TAOK1: variants seen among roughly 807,000 people sequenced by gnomAD.
TAOK1 encodes the protein TAO kinase 1, also known as serine/threonine-protein kinase TAO1.
In TAOK1, 21 loss-of-function variants were observed where a neutral mutation model predicts 138.3. The observed-to-expected ratio is 0.15, with a 90% CI of 0.11 to 0.22. The LOEUF (loss-of-function observed/expected upper bound fraction) is 0.22, where lower values mean the gene tolerates loss of function less well. Ranked by LOEUF, TAOK1 falls within the 10% of genes least tolerant of loss-of-function variation. The pLI, the probability that TAOK1 is intolerant of heterozygous loss-of-function variation, is 1.00. For synonymous variants in TAOK1, 361 were observed against 398.4 expected, an observed-to-expected ratio of 0.91 and a Z score of 1.12; for missense variants, 651 against 1,227.7, an observed-to-expected ratio of 0.53 and a Z score of 7.02.
intron 3 of TAOK1, among the ~76,000 whole-genome samples, chr17:29,473,876 C>T (rs1016795219): frequency 3.9e-5 from 6 of 152,038 alleles, no homozygotes; most frequent in Non-Finnish European, 8.8e-5. Flanking sequence ...GGACTACAGG[C>T]ACGCATCACC....
chr17:29,515,587 G>C lies in TAOK1; in HGVS notation c.1705-1866G>C, dbSNP rs145664936. Among the ~76,000 whole-genome samples, 3 of 152,252 alleles carry C rather than the reference G, an allele frequency of 2.0e-5. No individual in the cohort carries two copies. The East Asian group carries it at 5.8e-4, about 29-fold the overall frequency. Reference sequence around the variant, plus strand: ...GCAGTGGCTCACACGTGTAATCCCAGTACTTTGGGAGGCTGAGGCGGGTGG... The same window carrying C: ...GCAGTGGCTCACACGTGTAATCCCACTACTTTGGGAGGCTGAGGCGGGTGG... On this transcript the variant is annotated intron_variant, in intron 15 of 19. Transcript: ENST00000261716.
In TAOK1 at chr17:29,542,548, C is replaced by T. The variant is rs2032334514; in HGVS notation, c.2545-13C>T. On this transcript the variant is annotated splice_polypyrimidine_tract_variant and intron_variant, in intron 19 of 19. Coordinates refer to ENST00000261716, the MANE Select transcript of TAOK1 (RefSeq NM_020791.4). Reference sequence around the variant, plus strand: ...AATAAATTGGCTTTCATTTTTCTTCCAATCTCCAACAGATTGAAGAAGAGA... The same window carrying T: ...AATAAATTGGCTTTCATTTTTCTTCTAATCTCCAACAGATTGAAGAAGAGA... 1.9e-6 allele frequency: 3 copies of T among 1,542,068 alleles called. No individual in the cohort carries two copies. The African/African-American group carries it at 4.2e-5, about 21-fold the overall frequency.
rs1254548062 is a variant in TAOK1, at chr17:29,510,769, G to A, written c.1576-95G>A. 4 of 911,834 alleles carry A rather than the reference G, an allele frequency of 4.4e-6. No homozygotes were observed. The African/African-American group carries it at 5.2e-5, about 12-fold the overall frequency. 56.5% of individuals were successfully genotyped at this position (911,834 alleles called of 1,614,324 possible). On this transcript the variant is annotated intron_variant, in intron 14 of 19. Coordinates refer to ENST00000261716, the MANE Select transcript of TAOK1 (RefSeq NM_020791.4). ...TTGGTAATGTTTCTAATGATTTCTT[G>A]TTCTTAGAAAATAAAAGGTATTCTT...
At chr17:29,493,727 T>G (rs1270941331) in intron 10 of TAOK1, among the ~76,000 whole-genome samples, 1 of 152,084 alleles carries the variant, frequency 6.6e-6, no homozygotes, top group Non-Finnish European at 1.5e-5. Context: ...TTGGACTAAT[T>G]ACATTTCTGT....
intron 2 of TAOK1, among the ~76,000 whole-genome samples, chr17:29,466,556 T>C (rs1041332328): frequency 6.6e-6 from 1 of 152,254 alleles, no homozygotes; most frequent in Non-Finnish European, 1.5e-5. Context: ...TACCTAACTT[T>C]CAATTTTGTA....
At chr17:29,397,841 A>G (rs963964347) in intron 1 of TAOK1, among the ~76,000 whole-genome samples, 1 of 149,448 alleles carries the variant, frequency 6.7e-6, no homozygotes, top group Admixed American at 7.4e-5. Flanking sequence ...ATATGTGTAT[A>G]TATATATATG....
At position 29,544,839 on chromosome 17, in the gene TAOK1, T is replaced by C. The variant is rs1404016433; in HGVS notation, c.*1817T>C. On this transcript the variant is annotated 3_prime_UTR_variant, in exon 20 of 20. Coordinates refer to ENST00000261716, the MANE Select transcript of TAOK1 (RefSeq NM_020791.4). Reference sequence around the variant, plus strand: ...CAGAGGGCTCCAAGGTAGAACTCTCTAAGTCCCTCTCAATGGCACTCTTTG... The same window carrying C: ...CAGAGGGCTCCAAGGTAGAACTCTCCAAGTCCCTCTCAATGGCACTCTTTG... 2 of 152,240 alleles carry C rather than the reference T, an allele frequency of 1.3e-5. No individual in the cohort carries two copies. Among genetic ancestry groups the C allele is most frequent in the Non-Finnish European group, 2.9e-5 (2 of 68,046 alleles). 9.4% of individuals were successfully genotyped at this position (152,240 alleles called of 1,614,324 possible).
chr17:29,511,050 G>C (rs1315807246), intron 15 of TAOK1, 58 bp downstream of exon 15: 1 of 1,488,112 alleles, frequency 6.7e-7, no homozygotes, highest in Non-Finnish European at 9.1e-7. Context: ...ATATCCAATG[G>C]TGACCAACTC....
intron 13 of TAOK1, among the ~76,000 whole-genome samples, chr17:29,506,484 G>C (rs534491960): frequency 9.9e-5 from 15 of 152,190 alleles, no homozygotes; most frequent in Admixed American, 2.6e-4. Context: ...AGAGAAATGG[G>C]GAGTTGTTGA....
intron 19 of TAOK1, among the ~76,000 whole-genome samples, chr17:29,535,536 A>G (rs1368131383): frequency 1.3e-5 from 2 of 152,136 alleles, no homozygotes; most frequent in African/African-American, 2.4e-5. Context: ...CCTGTGATAA[A>G]AATAGAATGC....
At position 29,534,241 on chromosome 17, in the gene TAOK1, C is replaced by A; in HGVS notation, c.2485C>A (p.Arg829=). Residue 829 remains arginine, a synonymous_variant, in exon 19 of 20, where the codon CGA becomes AGA. Coordinates refer to ENST00000261716, the MANE Select transcript of TAOK1 (RefSeq NM_020791.4). ...IKMQAEAQHD[R]ELRELEQRVS... ...GATGCAAGCTGAGGCACAACATGATCGAGAGCTTCGCGAGCTTGAACAGAG... is the reference window on the plus strand; with the variant it reads ...GATGCAAGCTGAGGCACAACATGATAGAGAGCTTCGCGAGCTTGAACAGAG... 1 of 1,613,068 alleles carries A rather than the reference C, an allele frequency of 6.2e-7. No individual in the cohort carries two copies. Among genetic ancestry groups the A allele is most frequent in the Non-Finnish European group, 8.5e-7 (1 of 1,179,574 alleles).
At chr17:29,490,369 G>A (rs2031273890) in intron 9 of TAOK1, among the ~76,000 whole-genome samples, 1 of 152,070 alleles carries the variant, frequency 6.6e-6, no homozygotes, top group African/African-American at 2.4e-5. Flanking sequence ...TTTATCAACA[G>A]TATAAAACTG....
At chr17:29,458,119 A>G (rs576150137) in intron 2 of TAOK1, among the ~76,000 whole-genome samples, 2 of 151,644 alleles carry the variant, frequency 1.3e-5, no homozygotes, top group East Asian at 3.9e-4. Flanking sequence ...TGAAAAAAAA[A>G]AAATTAACCA....
At chr17:29,435,099 T>G (rs1905985357) in intron 1 of TAOK1, among the ~76,000 whole-genome samples, 1 of 151,576 alleles carries the variant, frequency 6.6e-6, no homozygotes, top group African/African-American at 2.4e-5. Flanking sequence ...GCATCCTATG[T>G]ATTCCCATCA....
intron 8 of TAOK1, among the ~76,000 whole-genome samples, chr17:29,488,576 A>AAATAATAATAATAATAATAAT (rs150004739): frequency 4.1e-5 from 6 of 145,472 alleles, no homozygotes; most frequent in East Asian, 4.0e-4. Flanking sequence ...ACATCTCAAA[A>AAATAATAATAATAATAATAAT]AATAATAATA....
chr17:29,461,177 G>GA (rs149168634), intron 2 of TAOK1, among the ~76,000 whole-genome samples: 14 of 150,536 alleles, frequency 9.3e-5, no homozygotes, highest in South Asian at 2.1e-4. Context: ...TCCTGGATTA[G>GA]AAAAAAAAAG....
intron 3 of TAOK1, among the ~76,000 whole-genome samples, chr17:29,469,791 A>G (rs1363298496): frequency 1.3e-5 from 2 of 152,202 alleles, no homozygotes; most frequent in East Asian, 1.9e-4. Flanking sequence ...GGCGTCCTTC[A>G]TGAAAATTTT....
chr17:29,532,355 G>GTTT (rs11431904), intron 18 of TAOK1, among the ~76,000 whole-genome samples: 1 of 147,636 alleles, frequency 6.8e-6, no homozygotes. Flanking sequence ...TTTGTTTGTG[G>GTTT]TTTTTTTTTT....
chr17:29,415,649 T>C (rs1905249523), intron 1 of TAOK1, among the ~76,000 whole-genome samples: 2 of 152,196 alleles, frequency 1.3e-5, no homozygotes, highest in African/African-American at 4.8e-5. Flanking sequence ...TATGGAAAAA[T>C]ATAAAATAAA....
Sources: allele counts gnomAD v4.1 joint callset (sites outside exome capture counted in the v4.1 genomes callset), GRCh38; gene constraint gnomAD v4.1.1; transcripts MANE v1.5; gene names NCBI Gene and HGNC (gene_info 2026-07-23, HGNC 2026-07-21).